The following ZFAND3 variants were observed in gnomAD, a reference collection of about 807,000 sequenced individuals.
The protein encoded by ZFAND3 is zinc finger AN1-type containing 3.
ZFAND3 carries 10 observed loss-of-function variants against 29.6 expected under a neutral mutation model. That is an observed-to-expected ratio of 0.34 (90% CI 0.21 to 0.57). The LOEUF is 0.57. Among genes scored for constraint, ZFAND3 ranks in the 20% least tolerant of loss-of-function variants. The pLI, the probability that ZFAND3 is intolerant of heterozygous loss-of-function variation, is 0.86. For synonymous variants in ZFAND3, 128 were observed against 112.6 expected, an observed-to-expected ratio of 1.14 and a Z score of -0.87; for missense variants, 230 against 304.5, an observed-to-expected ratio of 0.76 and a Z score of 1.82.
At chr6:37,854,974 T>TG (rs1477148892) in intron 1 of ZFAND3, among the ~76,000 whole-genome samples, 4 of 137,862 alleles carry the variant, frequency 2.9e-5, no homozygotes, top group South Asian at 2.2e-4. Context: ...GTTTTTTTTT[T>TG]TTTTTTTTTT....
intron 1 of ZFAND3, among the ~76,000 whole-genome samples, chr6:37,844,705 A>G (rs181478872): frequency 3.3e-5 from 5 of 152,002 alleles, no homozygotes; most frequent in Admixed American, 2.6e-4. Flanking sequence ...AACCACTTTA[A>G]CACTTAGGGT....
At chr6:37,958,734 G>A (rs893791576) in intron 2 of ZFAND3, among the ~76,000 whole-genome samples, 7 of 150,442 alleles carry the variant, frequency 4.7e-5, no homozygotes, top group South Asian at 2.1e-4. Flanking sequence ...TTTCAGGACC[G>A]CCCCCCCCTT....
At chr6:38,043,264 A>C (rs1206059121) in intron 2 of ZFAND3, among the ~76,000 whole-genome samples, 1 of 145,780 alleles carries the variant, frequency 6.9e-6, no homozygotes, top group Non-Finnish European at 1.5e-5. Flanking sequence ...CCACCCTGTG[A>C]GCCACCATGC....
At chr6:37,849,982 A>G (rs1764253405) in intron 1 of ZFAND3, among the ~76,000 whole-genome samples, 1 of 152,070 alleles carries the variant, frequency 6.6e-6, no homozygotes. Context: ...TGCTGCTGCC[A>G]CCACTGCTTG....
At chr6:37,921,432 T>TA (rs371486882) in intron 1 of ZFAND3, among the ~76,000 whole-genome samples, 57 of 146,432 alleles carry the variant, frequency 3.9e-4, no homozygotes, top group East Asian at 2.6e-3. Flanking sequence ...CCAGTTGGGT[T>TA]AAAAAAAAAA....
chr6:37,985,855 A>G (rs1480546570), intron 2 of ZFAND3, among the ~76,000 whole-genome samples: 1 of 152,222 alleles, frequency 6.6e-6, no homozygotes, highest in African/African-American at 2.4e-5. Flanking sequence ...TTGTGAAGCT[A>G]TGTGGAATTT....
At chr6:37,991,153 C>T (rs559415050) in intron 2 of ZFAND3, among the ~76,000 whole-genome samples, 6 of 152,122 alleles carry the variant, frequency 3.9e-5, no homozygotes, top group Non-Finnish European at 5.9e-5. Flanking sequence ...GGAATAACTC[C>T]GCCTGATTCT....
intron 4 of ZFAND3, among the ~76,000 whole-genome samples, chr6:38,091,473 ATTTTTTTTTTTTTTTT>A (rs5875611): frequency 1.4e-5 from 1 of 73,686 alleles, no homozygotes; most frequent in Admixed American, 1.9e-4. Flanking sequence ...AAACTTTAGG[ATTTTTTTTTTTTTTTT>A]TTTTTTTTTT....
At chr6:38,071,389 G>A (rs896463354) in intron 3 of ZFAND3, among the ~76,000 whole-genome samples, 22 of 151,794 alleles carry the variant, frequency 1.4e-4, no homozygotes, top group African/African-American at 4.1e-4. Context: ...AATTTATTTT[G>A]TATTTAAGGC....
chr6:37,865,221 C>T (rs1027227675), intron 1 of ZFAND3, among the ~76,000 whole-genome samples: 4 of 152,108 alleles, frequency 2.6e-5, no homozygotes, highest in Non-Finnish European at 5.9e-5. Flanking sequence ...CATAAACTTG[C>T]GTACATCATC....
At chr6:37,992,839 CATT>C (rs1421342803) in intron 2 of ZFAND3, among the ~76,000 whole-genome samples, 1 of 151,968 alleles carries the variant, frequency 6.6e-6, no homozygotes, top group Non-Finnish European at 1.5e-5. Context: ...TTTTTCCTGT[CATT>C]TTTTTTTGAA....
intron 1 of ZFAND3, among the ~76,000 whole-genome samples, chr6:37,820,287 T>C (rs1413182743): frequency 1.4e-5 from 2 of 143,454 alleles, no homozygotes; most frequent in East Asian, 2.0e-4. Flanking sequence ...GGGCCACGGG[T>C]GAGGGGGGCA....
intron 4 of ZFAND3, among the ~76,000 whole-genome samples, chr6:38,104,727 T>G (rs1765174263): frequency 6.6e-6 from 1 of 152,188 alleles, no homozygotes; most frequent in African/African-American, 2.4e-5. Context: ...CAGAGATATA[T>G]CCTAGATAAA....
At chr6:38,028,219 T>C (rs575149031) in intron 2 of ZFAND3, among the ~76,000 whole-genome samples, 1 of 152,330 alleles carries the variant, frequency 6.6e-6, no homozygotes, top group South Asian at 2.1e-4. Context: ...GTTTTAAGAG[T>C]ACTCATGTTA....
At chr6:38,112,310 G>GA (rs1765336254) in intron 4 of ZFAND3, among the ~76,000 whole-genome samples, 1 of 152,238 alleles carries the variant, frequency 6.6e-6, no homozygotes, top group African/African-American at 2.4e-5. Context: ...AATCTGCTTT[G>GA]TTGGCCCTTT....
At chr6:37,844,651 G>C (rs981314966) in intron 1 of ZFAND3, among the ~76,000 whole-genome samples, 1 of 152,080 alleles carries the variant, frequency 6.6e-6, no homozygotes, top group Non-Finnish European at 1.5e-5. Flanking sequence ...AACTGGAGCT[G>C]TGGTCTGCTG....
At chr6:37,992,673 T>C (rs1762779341) in intron 2 of ZFAND3, among the ~76,000 whole-genome samples, 3 of 152,194 alleles carry the variant, frequency 2.0e-5, no homozygotes, top group Non-Finnish European at 4.4e-5. Flanking sequence ...TCCATAAAAT[T>C]GAATATACAG....
intron 5 of ZFAND3, among the ~76,000 whole-genome samples, chr6:38,127,340 C>T (rs1411056814): frequency 6.6e-6 from 1 of 152,224 alleles, no homozygotes; most frequent in Non-Finnish European, 1.5e-5. Flanking sequence ...ACCACGTAGC[C>T]TGTAACTGGT....
At chr6:38,133,102 A>G (rs954814273) in intron 5 of ZFAND3, among the ~76,000 whole-genome samples, 3 of 152,190 alleles carry the variant, frequency 2.0e-5, no homozygotes, top group Non-Finnish European at 4.4e-5. Flanking sequence ...CTTTTTTAAC[A>G]AAACCCTTCA....
Sources: gnomAD v4.1 joint callset for allele counts (sites outside exome capture counted in the v4.1 genomes callset) on GRCh38, gnomAD v4.1.1 for gene constraint, MANE v1.5 for transcripts, NCBI Gene and HGNC (gene_info 2026-07-23, HGNC 2026-07-21) for gene names.